Variants in CADPS observed in about 807,000 individuals in gnomAD.
The protein encoded by CADPS is calcium-dependent secretion activator 1.
CADPS carries 57 observed loss-of-function variants against 167.3 expected under a neutral mutation model. That is an observed-to-expected ratio of 0.34 (90% confidence interval 0.28 to 0.42). The LOEUF (loss-of-function observed/expected upper bound fraction) is 0.42. Ranked by LOEUF, CADPS falls within the 20% of genes least tolerant of loss-of-function variation. The pLI is 1.00. For synonymous variants in CADPS, 676 were observed against 635.3 expected, an observed-to-expected ratio of 1.06 and a Z score of -0.96; for missense variants, 1,414 against 1,738.1, an observed-to-expected ratio of 0.81 and a Z score of 3.32.
At chr3:62,439,657 G>A (rs1467607022) in intron 27 of CADPS, 1 of 152,210 alleles carries the variant, frequency 6.6e-6, no homozygotes, top group African/African-American at 2.4e-5. Context: ...GGCATTCTCA[G>A]TAGGGATGGG....
Position 62,568,482 on chromosome 3 carries a change from C to A in CADPS, c.1644+2390G>T, listed in dbSNP as rs1047779911. Among the ~76,000 whole-genome samples the A allele has an allele frequency of 5.3e-5, 8 of 152,162 alleles. No individual in the cohort carries two copies. The East Asian group carries it at 1.2e-3, about 22-fold the overall frequency. Reference sequence around the variant, plus strand: ...ACATGGTTCCTTCTGTTCCTAATGCCCTTGGGCATCAGACTCCAGGTTCTT... The same window carrying A: ...ACATGGTTCCTTCTGTTCCTAATGCACTTGGGCATCAGACTCCAGGTTCTT... On this transcript the variant is annotated intron_variant, in intron 9 of 29. Coordinates refer to ENST00000383710, the MANE Select transcript of CADPS (RefSeq NM_003716.4).
chr3:62,740,358 T>C (rs2079945696), intron 3 of CADPS, among the ~76,000 whole-genome samples: 2 of 152,188 alleles, frequency 1.3e-5, no homozygotes, highest in South Asian at 4.1e-4. Flanking sequence ...TGATGGCTGG[T>C]ACCAAAGTTA....
At chr3:62,775,221 T>TTTTTGTA (rs1491345344) in intron 1 of CADPS, among the ~76,000 whole-genome samples, 1 of 1,356 alleles carries the variant, frequency 7.4e-4, no homozygotes, top group East Asian at 0.17. Context: ...TATTTTTGTA[T>TTTTTGTA]TTTTTTTTTT....
intron 3 of CADPS, among the ~76,000 whole-genome samples, chr3:62,710,659 G>T (rs191201253): frequency 6.6e-6 from 1 of 151,772 alleles, no homozygotes; most frequent in Admixed American, 6.6e-5. Flanking sequence ...AGGTGATTCT[G>T]ATGCACAGCT....
intron 13 of CADPS, among the ~76,000 whole-genome samples, chr3:62,530,098 T>C (rs2073314629): frequency 6.6e-6 from 1 of 152,202 alleles, no homozygotes; most frequent in South Asian, 2.1e-4. Flanking sequence ...CCTCAGTATA[T>C]AAGTGATTCT....
intron 6 of CADPS, among the ~76,000 whole-genome samples, chr3:62,639,691 T>C (rs1275058477): frequency 6.6e-6 from 1 of 152,216 alleles, no homozygotes. Flanking sequence ...ATATTTTCCC[T>C]GGCTTAAACT....
chr3:62,755,031 G>A (rs1301588701), intron 2 of CADPS, among the ~76,000 whole-genome samples: 1 of 152,174 alleles, frequency 6.6e-6, no homozygotes, highest in Admixed American at 6.5e-5. Context: ...TTCAGCACCT[G>A]ACACTTTAAA....
At chr3:62,563,055 T>C (rs1246731810) in intron 9 of CADPS, among the ~76,000 whole-genome samples, 1 of 152,208 alleles carries the variant, frequency 6.6e-6, no homozygotes, top group African/African-American at 2.4e-5. Context: ...ATAATATTGC[T>C]TGAGTCCTGG....
chr3:62,804,903 A>C (rs1472940056), intron 1 of CADPS, among the ~76,000 whole-genome samples: 1 of 152,190 alleles, frequency 6.6e-6, no homozygotes, highest in Non-Finnish European at 1.5e-5. Flanking sequence ...TCTCAAATTT[A>C]CTGAGAGTGA....
chr3:62,494,915 G>A (rs756944895), intron 18 of CADPS, among the ~76,000 whole-genome samples: 2 of 151,682 alleles, frequency 1.3e-5, no homozygotes, highest in African/African-American at 4.9e-5. Context: ...CACCTGCCTC[G>A]GCCTCCCAAA....
intron 13 of CADPS, among the ~76,000 whole-genome samples, chr3:62,522,140 TCTATCTATCTAA>T (rs1237142411): frequency 6.0e-5 from 9 of 150,048 alleles, no homozygotes; most frequent in African/African-American, 2.0e-4. Context: ...TATCTATCTA[TCTATCTATCTAA>T]CTATTGAGAC....
intron 1 of CADPS, chr3:62,779,282 C>T (rs2091071128): frequency 2.8e-6 from 1 of 353,212 alleles, no homozygotes; most frequent in Admixed American, 3.8e-5. Flanking sequence ...GCTTTCTGGG[C>T]AGGAAACTTC....
At chr3:62,408,647 A>G (rs1387333371) in intron 28 of CADPS, among the ~76,000 whole-genome samples, 2 of 152,200 alleles carry the variant, frequency 1.3e-5, no homozygotes, top group Admixed American at 1.3e-4. Flanking sequence ...CATGATAGCC[A>G]CTCTCATTTA....
intron 1 of CADPS, among the ~76,000 whole-genome samples, chr3:62,827,093 A>G: frequency 6.6e-6 from 1 of 152,210 alleles, no homozygotes; most frequent in East Asian, 1.9e-4. Flanking sequence ...TTGATTGCAG[A>G]CAAGATCAGA....
Position 62,624,932 on chromosome 3 carries a change from C to G in CADPS, c.1325+20790G>C, listed in dbSNP as rs991076708. ...GTATGAGCACCTGACCCAGGACGAG[C>G]CAATCATTGCCTCATTCTGAAATTT... On this transcript the variant is annotated intron_variant, in intron 6 of 29. Transcript: ENST00000383710. Among the ~76,000 whole-genome samples, 28 of 151,912 alleles carry G rather than the reference C, an allele frequency of 1.8e-4. 1 individual carries two copies. The highest frequency in any genetic ancestry group is 6.5e-4 in the African/African-American group (27 of 41,300).
At chr3:62,740,794 T>G (rs1232903389) in intron 3 of CADPS, among the ~76,000 whole-genome samples, 4 of 152,208 alleles carry the variant, frequency 2.6e-5, no homozygotes, top group Non-Finnish European at 5.9e-5. Flanking sequence ...CTTACATACC[T>G]TATTTCTATC....
chr3:62,520,866 C>A (rs887526468), intron 13 of CADPS, among the ~76,000 whole-genome samples: 2 of 152,090 alleles, frequency 1.3e-5, no homozygotes, highest in Non-Finnish European at 2.9e-5. Flanking sequence ...TCATTGTTTT[C>A]GAAAATTCTG....
In CADPS at chr3:62,753,120, A is replaced by T. The variant is rs1575864767; in HGVS notation, c.888+321T>A. On this transcript the variant is annotated intron_variant, in intron 3 of 29. Coordinates refer to ENST00000383710, the MANE Select transcript of CADPS (RefSeq NM_003716.4). The surrounding 1 kb of genome is among the most constrained non-coding windows in gnomAD (Gnocchi z 4.6). ...CACCAAAGGCAGAACCATATTTTTT[A>T]AAAAATTGATTTTTAGCACTTTTGA... Among the ~76,000 whole-genome samples the T allele has an allele frequency of 1.3e-5, 2 of 152,220 alleles. No individual in the cohort carries two copies. The highest frequency in any genetic ancestry group is 2.1e-4 in the South Asian group (1 of 4,836).
chr3:62,820,357 C>A (rs1461697807), intron 1 of CADPS, among the ~76,000 whole-genome samples: 1 of 152,132 alleles, frequency 6.6e-6, no homozygotes, highest in African/African-American at 2.4e-5. Flanking sequence ...ATTCACAACA[C>A]CCTCCTTGAT....
Sources: allele counts gnomAD v4.1 joint callset (sites outside exome capture counted in the v4.1 genomes callset), GRCh38; gene constraint gnomAD v4.1.1; non-coding constraint Gnocchi (gnomAD v3.1); transcripts MANE v1.5; gene names NCBI Gene and HGNC (gene_info 2026-07-23, HGNC 2026-07-21).